The following ESRRG variants were observed in gnomAD, a reference collection of about 807,000 sequenced individuals.
ESRRG encodes estrogen related receptor gamma, also known as estrogen-related receptor gamma.
ESRRG carries 13 observed loss-of-function variants against 44.0 expected under a neutral mutation model. That is an observed-to-expected ratio of 0.30 (90% CI 0.19 to 0.47). The LOEUF (loss-of-function observed/expected upper bound fraction) is 0.47. Among genes scored for constraint, ESRRG ranks in the 20% least tolerant of loss-of-function variants. ESRRG has a pLI of 1.00. For synonymous variants in ESRRG, 215 were observed against 214.6 expected (o/e 1.00, Z -0.02); for missense variants, 395 against 580.6 (o/e 0.68, Z 3.29).
intron 2 of ESRRG, among the ~76,000 whole-genome samples, chr1:216,673,384 T>G (rs1398437819): frequency 6.6e-6 from 1 of 152,230 alleles, no homozygotes. Flanking sequence ...GTGTGATGTC[T>G]GATGATGTAG....
At chr1:216,787,585 G>C (rs1020883442) in intron 2 of ESRRG, among the ~76,000 whole-genome samples, 1 of 115,804 alleles carries the variant, frequency 8.6e-6, no homozygotes, top group African/African-American at 3.5e-5. Context: ...CTGGGTGACA[G>C]AGCAAGACTC....
intron 1 of ESRRG, among the ~76,000 whole-genome samples, chr1:216,713,950 A>C (rs1282081780): frequency 6.6e-6 from 1 of 152,142 alleles, no homozygotes; most frequent in Non-Finnish European, 1.5e-5. Flanking sequence ...TTAACTGAAA[A>C]CAGTTTGTAC....
At chr1:217,088,463 C>G (rs1162890515) in intron 1 of ESRRG, among the ~76,000 whole-genome samples, 1 of 126,150 alleles carries the variant, frequency 7.9e-6, no homozygotes, top group African/African-American at 3.1e-5. Flanking sequence ...CAACATTGCC[C>G]TCTGGTTTAT....
intron 1 of ESRRG, among the ~76,000 whole-genome samples, chr1:216,717,882 T>C (rs115228207): frequency 3.9e-5 from 6 of 152,014 alleles, no homozygotes; most frequent in Admixed American, 3.9e-4. Flanking sequence ...TACATTAAGA[T>C]GTATTTGTCA....
upstream of ESRRG, among the ~76,000 whole-genome samples, chr1:217,093,643 G>A (rs188619833): frequency 1.8e-4 from 27 of 151,996 alleles, no homozygotes; most frequent in African/African-American, 5.8e-4. Context: ...AATCAGCAGG[G>A]CATGGTGGCA....
chr1:216,835,445 C>T (rs1334411899), intron 2 of ESRRG, among the ~76,000 whole-genome samples: 1 of 152,232 alleles, frequency 6.6e-6, no homozygotes, highest in Non-Finnish European at 1.5e-5. Context: ...GTGGTTGACA[C>T]TGACACGGCT....
At chr1:216,867,622 GC>G (rs1431114745) in intron 2 of ESRRG, among the ~76,000 whole-genome samples, 3 of 152,090 alleles carry the variant, frequency 2.0e-5, no homozygotes, top group Non-Finnish European at 4.4e-5. Flanking sequence ...TTATTAGCAT[GC>G]TTTGTAAGTC....
At chr1:216,708,282 A>C (rs1181251008) in intron 1 of ESRRG, among the ~76,000 whole-genome samples, 1 of 152,170 alleles carries the variant, frequency 6.6e-6, no homozygotes, top group Non-Finnish European at 1.5e-5. Context: ...TTAAGCCTGG[A>C]ATATAAAAGA....
chr1:216,916,341 G>A (rs757106076), intron 2 of ESRRG, among the ~76,000 whole-genome samples: 7 of 152,102 alleles, frequency 4.6e-5, no homozygotes, highest in African/African-American at 1.4e-4. Flanking sequence ...ATCATGCCCC[G>A]CATGTGTGTA....
chr1:217,038,085 G>A lies in ESRRG; in HGVS notation c.-106+51422C>T, dbSNP rs147505307. On this transcript the variant is annotated intron_variant, in intron 1 of 7. Coordinates refer to the ESRRG transcript ENST00000359162. The stretch of plus-strand genomic sequence containing the variant: ...TTGAGTGTCTCTGGCTTTTCCAGGT[G>A]CAAGGTACAAGCTGTTGGTGTATCC... Among the ~76,000 whole-genome samples, 27 of 152,294 alleles carry A rather than the reference G, an allele frequency of 1.8e-4. No individual in the cohort carries two copies. In the East Asian group the frequency reaches 5.0e-3, roughly 28 times the overall value.
chr1:217,110,521 C>T (rs1032039138), intron 1 of ESRRG, among the ~76,000 whole-genome samples: 2 of 152,100 alleles, frequency 1.3e-5, no homozygotes, highest in Non-Finnish European at 2.9e-5. Flanking sequence ...TGAAAGCTTT[C>T]CTGGAAGCAT....
intron 2 of ESRRG, among the ~76,000 whole-genome samples, chr1:216,850,693 C>A (rs2095828780): frequency 6.6e-6 from 1 of 151,958 alleles, no homozygotes; most frequent in African/African-American, 2.4e-5. Flanking sequence ...AGATATATAT[C>A]ATTTCCCCTA....
At chr1:216,530,109 C>CAAA (rs34108833) in intron 5 of ESRRG, among the ~76,000 whole-genome samples, 306 of 62,020 alleles carry the variant, frequency 4.9e-3, no homozygotes, top group Middle Eastern at 0.015. Context: ...GAGACTCCAT[C>CAAA]AAAAAAAAAA....
chr1:216,994,578 G>A lies in ESRRG; in HGVS notation c.-105-54905C>T, dbSNP rs77690627. ...GACAACACTCAATTCAGTCCTAACC[G>A]TTCGACAACTTCTTTTTTTTTCTTG... On this transcript the variant is annotated intron_variant, in intron 1 of 7. Coordinates refer to the ESRRG transcript ENST00000359162. Among the ~76,000 whole-genome samples, 627 of 152,036 alleles carry A rather than the reference G, an allele frequency of 4.1e-3. 2 individuals carry two copies. Among genetic ancestry groups the A allele is most frequent in the Non-Finnish European group, 6.8e-3 (459 of 67,966 alleles).
chr1:216,919,823 T>C (rs1047277704), intron 2 of ESRRG, among the ~76,000 whole-genome samples: 3 of 152,210 alleles, frequency 2.0e-5, no homozygotes, highest in Admixed American at 1.3e-4. Context: ...GAGAACAAGA[T>C]AATTACTTCC....
chr1:216,681,007 T>C (rs2076948821), intron 1 of ESRRG, among the ~76,000 whole-genome samples: 1 of 152,234 alleles, frequency 6.6e-6, no homozygotes, highest in African/African-American at 2.4e-5. Context: ...TTCCACATTG[T>C]GCTGTTAATG....
intron 2 of ESRRG, chr1:216,865,216 A>AAAAAAAAAAAAAAAAAAC (rs2096130897): frequency 7.0e-6 from 1 of 143,170 alleles, no homozygotes. Flanking sequence ...AAAAAAAAAA[A>AAAAAAAAAAAAAAAAAAC]AATTACCACA....
At chr1:216,787,153 GGCACCACGACCTGT>G (rs933131080) in intron 2 of ESRRG, among the ~76,000 whole-genome samples, 3 of 151,960 alleles carry the variant, frequency 2.0e-5, no homozygotes, top group Admixed American at 1.3e-4. Flanking sequence ...ATTGTTTTGG[GGCACCACGACCTGT>G]GCCCATACAA....
intron 3 of ESRRG, among the ~76,000 whole-genome samples, chr1:216,616,169 G>A (rs535533486): frequency 6.6e-6 from 1 of 152,156 alleles, no homozygotes; most frequent in Admixed American, 6.5e-5. Flanking sequence ...AGGGTCCACT[G>A]GATCCTGGCT....
Sources: gnomAD v4.1 joint callset for allele counts (sites outside exome capture counted in the v4.1 genomes callset) on GRCh38, gnomAD v4.1.1 for gene constraint, MANE v1.5 for transcripts, NCBI Gene and HGNC (gene_info 2026-07-23, HGNC 2026-07-21) for gene names.